The following UBE2G2 variants were observed in gnomAD, a reference collection of about 807,000 sequenced individuals.
UBE2G2 encodes the protein ubiquitin-conjugating enzyme E2 G2.
Under a neutral mutation model 23.0 loss-of-function variants are expected in UBE2G2, and 10 were observed. That is an observed-to-expected ratio of 0.43 (90% CI 0.27 to 0.74). The LOEUF is 0.74. UBE2G2 is among the 30% of genes least tolerant of loss of function. The pLI is 0.19. For synonymous variants in UBE2G2, 86 were observed against 81.3 expected, an observed-to-expected ratio of 1.06 and a Z score of -0.31; for missense variants, 150 against 218.3, an observed-to-expected ratio of 0.69 and a Z score of 1.97.
At chr21:44,793,684 G>C (rs2083063343) in intron 1 of UBE2G2, among the ~76,000 whole-genome samples, 1 of 152,196 alleles carries the variant, frequency 6.6e-6, no homozygotes, top group Non-Finnish European at 1.5e-5. Flanking sequence ...CTTGGTATCA[G>C]GGAAATTTTC....
rs142286967 is a variant in UBE2G2, at chr21:44,801,397, G to A, written c.43+309C>T. The A allele has an allele frequency of 2.4e-4, 284 of 1,191,712 alleles. 1 individual carries two copies. In the African/African-American group the frequency reaches 4.1e-3, roughly 17 times the overall value. The allele number at this position is 1,191,712 out of a possible 1,614,324, so 73.8% of individuals were successfully genotyped here. A position where few individuals can be genotyped will look rare whatever the true frequency, so the allele number is the denominator to read the frequency against. ...TCAAGCTCTCACTGCACGTTCTCAA[G>A]GCTGCCAAGAAAAGAAAAAATAGAA... On this transcript the variant is annotated intron_variant, in intron 1 of 5. Transcript: ENST00000345496.
intron 1 of UBE2G2, 118 bp from the exon 2 acceptor site, chr21:44,788,213 G>C (rs73232950): frequency 0.14 from 129,484 of 947,572 alleles, 10,101 homozygotes; most frequent in Middle Eastern, 0.22. Flanking sequence ...ATATTAACAA[G>C]TGAAAATTCT....
intron 1 of UBE2G2, among the ~76,000 whole-genome samples, chr21:44,790,920 T>C (rs1347984254): frequency 6.6e-6 from 1 of 152,246 alleles, no homozygotes; most frequent in Admixed American, 6.5e-5. Context: ...TGGGAAAGTC[T>C]GGAACTTCCT....
Position 44,771,511 on chromosome 21 carries a change from T to G in UBE2G2, c.386-22A>C. ...GGCTCTGAAAGAAAAGGGAACACCC[T>G]CCATGTAAAAGGGAGTCTTATACGT... On this transcript the variant is annotated intron_variant, in intron 5 of 5. Transcript: ENST00000345496. The surrounding 1 kb of genome is among the most constrained non-coding windows in gnomAD (Gnocchi z 4.6). 5 of 1,606,460 alleles carry G rather than the reference T, an allele frequency of 3.1e-6. No homozygotes were observed. The South Asian group carries it at 5.5e-5, about 18-fold the overall frequency.
intron 3 of UBE2G2, among the ~76,000 whole-genome samples, chr21:44,778,651 A>G (rs1233293244): frequency 1.3e-5 from 2 of 152,204 alleles, no homozygotes; most frequent in Admixed American, 1.3e-4. Flanking sequence ...GTTCTAAAAG[A>G]TCTTGCACCA....
At chr21:44,779,716 C>G (rs1275177533) in intron 3 of UBE2G2, among the ~76,000 whole-genome samples, 1 of 152,222 alleles carries the variant, frequency 6.6e-6, no homozygotes, top group African/African-American at 2.4e-5. Flanking sequence ...AAACGATAAC[C>G]ACCACCCATT....
chr21:44,782,643 A>T (rs2082965453), intron 3 of UBE2G2, among the ~76,000 whole-genome samples: 1 of 152,252 alleles, frequency 6.6e-6, no homozygotes, highest in Non-Finnish European at 1.5e-5. Flanking sequence ...TTGCATTTAT[A>T]GTCAACTGAT....
chr21:44,775,697 T>C (rs1385949798), intron 4 of UBE2G2, among the ~76,000 whole-genome samples: 1 of 152,238 alleles, frequency 6.6e-6, no homozygotes, highest in Non-Finnish European at 1.5e-5. Flanking sequence ...TTCTGAATAA[T>C]ATATTTCTCC....
intron 3 of UBE2G2, chr21:44,779,169 G>T: frequency 2.4e-6 from 1 of 422,992 alleles, no homozygotes; most frequent in South Asian, 1.7e-5. Flanking sequence ...AGGGCTGTCG[G>T]CAGCAACAGC....
At chr21:44,795,660 A>C (rs2083082570) in intron 1 of UBE2G2, among the ~76,000 whole-genome samples, 1 of 152,064 alleles carries the variant, frequency 6.6e-6, no homozygotes, top group African/African-American at 2.4e-5. Flanking sequence ...AGAAAGAAAA[A>C]AGAAAACAAA....
chr21:44,769,972 G>A lies in UBE2G2; in HGVS notation c.*1405C>T, dbSNP rs1398848979. The A allele has an allele frequency of 2.0e-5, 3 of 152,180 alleles. No homozygotes were observed. The highest frequency in any genetic ancestry group is 4.8e-5 in the African/African-American group (2 of 41,440). The allele number at this position is 152,180 out of a possible 1,614,324, so 9.4% of individuals were successfully genotyped here. A position where few individuals can be genotyped will look rare whatever the true frequency, so the allele number is the denominator to read the frequency against. ...CAGATCTGTTATTGCTTACACTGTGGCCTCCTGGCCTGTGCTGCTCAGCTG... is the reference window on the plus strand; with the variant it reads ...CAGATCTGTTATTGCTTACACTGTGACCTCCTGGCCTGTGCTGCTCAGCTG... On this transcript the variant is annotated 3_prime_UTR_variant, in exon 6 of 6. Transcript: ENST00000345496.
chr21:44,781,300 A>T (rs2082954206), intron 3 of UBE2G2, among the ~76,000 whole-genome samples: 2 of 152,206 alleles, frequency 1.3e-5, no homozygotes, highest in South Asian at 4.1e-4. Flanking sequence ...CAGAATCGAC[A>T]GAGGGCACCC....
At chr21:44,778,589 G>A (rs1177013332) in intron 3 of UBE2G2, among the ~76,000 whole-genome samples, 1 of 152,196 alleles carries the variant, frequency 6.6e-6, no homozygotes, top group East Asian at 1.9e-4. Context: ...TCACACCAGG[G>A]ACGAACTCCT....
At chr21:44,794,275 G>T (rs1196436370) in intron 1 of UBE2G2, among the ~76,000 whole-genome samples, 2 of 152,186 alleles carry the variant, frequency 1.3e-5, no homozygotes, top group African/African-American at 4.8e-5. Flanking sequence ...CAAACACAGT[G>T]CTGAAACAAC....
At chr21:44,798,917 ATGAAATGTATTTC>A (rs1312858529) in intron 1 of UBE2G2, among the ~76,000 whole-genome samples, 12 of 152,246 alleles carry the variant, frequency 7.9e-5, no homozygotes, top group African/African-American at 2.9e-4. Context: ...CTATGGCCTT[ATGAAATGTATTTC>A]TTAAATAAGT....
rs993903531 is a variant in UBE2G2 at position 44,788,696 on chromosome 21, G to A, written c.44-601C>T. On this transcript the variant is annotated intron_variant, in intron 1 of 5. Coordinates refer to ENST00000345496, the MANE Select transcript of UBE2G2 (RefSeq NM_003343.6). ...ACTGTCTTTCCAAACTGTTCCTGCT[G>A]GTTACTTTGTTGCTTAGTTTTGAGA... 5.3e-5 allele frequency among the ~76,000 whole-genome samples: 8 copies of A among 151,588 alleles called. No individual in the cohort carries two copies. In the East Asian group the frequency reaches 1.6e-3, roughly 30 times the overall value.
At chr21:44,791,473 G>A (rs1471299903) in intron 1 of UBE2G2, among the ~76,000 whole-genome samples, 12 of 152,216 alleles carry the variant, frequency 7.9e-5, no homozygotes, top group African/African-American at 2.2e-4. Context: ...CCAAGGTACA[G>A]CTCAGGCTGT....
rs782572530 is a variant in UBE2G2 at position 44,777,287 on chromosome 21, A to G, written c.244+12T>C. 6.2e-7 allele frequency: 1 copy of G among 1,612,328 alleles called. No individual in the cohort carries two copies. Among genetic ancestry groups the G allele is most frequent in the Non-Finnish European group, 8.5e-7 (1 of 1,178,538 alleles). On this transcript the variant is annotated intron_variant, in intron 4 of 5. Coordinates refer to ENST00000345496, the MANE Select transcript of UBE2G2 (RefSeq NM_003343.6). ...TCCTGGTACCACAAAAACTACTTCC[A>G]AAAGCACTTACTGTTGGGATGAAAC...
At chr21:44,781,952 T>A (rs1555961396) in intron 3 of UBE2G2, among the ~76,000 whole-genome samples, 1 of 152,224 alleles carries the variant, frequency 6.6e-6, no homozygotes, top group African/African-American at 2.4e-5. Flanking sequence ...TTTCTTAAAA[T>A]TTTTAAATCT....
Sources: allele counts gnomAD v4.1 joint callset (sites outside exome capture counted in the v4.1 genomes callset), GRCh38; gene constraint gnomAD v4.1.1; non-coding constraint Gnocchi (gnomAD v3.1); transcripts MANE v1.5; gene names NCBI Gene and HGNC (gene_info 2026-07-23, HGNC 2026-07-21).